The following GTF2H1 variants were observed in gnomAD, a reference collection of about 807,000 sequenced individuals.
GTF2H1 encodes general transcription factor IIH subunit 1.
GTF2H1 carries 16 observed loss-of-function variants against 71.2 expected under a neutral mutation model. The observed-to-expected ratio is 0.22, with a 90% CI of 0.15 to 0.34. The LOEUF (loss-of-function observed/expected upper bound fraction) is 0.34, where lower values mean the gene tolerates loss of function less well. Among genes scored for constraint, GTF2H1 ranks in the 10% least tolerant of loss-of-function variants. The pLI is 1.00. For synonymous variants in GTF2H1, 215 were observed against 219.0 expected (o/e 0.98, Z 0.16); for missense variants, 498 against 648.2 (o/e 0.77, Z 2.52).
At chr11:18,328,554 G>C (rs895913679) in intron 1 of GTF2H1, among the ~76,000 whole-genome samples, 1 of 148,082 alleles carries the variant, frequency 6.8e-6, no homozygotes, top group Non-Finnish European at 1.5e-5. Context: ...GCCAGGCATG[G>C]TGGCTCACAC....
intron 14 of GTF2H1, 63 bp from the exon 15 acceptor site, chr11:18,365,720 G>A: frequency 9.4e-7 from 1 of 1,060,956 alleles, no homozygotes; most frequent in Non-Finnish European, 1.5e-6. Context: ...GCCAGATTTG[G>A]GTTGGAAGGA....
chr11:18,341,256 C>T lies in GTF2H1; in HGVS notation c.608-5C>T. Reference sequence around the variant, plus strand: ...TATATAATATTTGTGGGTTTTTTTCCACAGTAAAAATGAAATATGCAGAAA... The same window carrying T: ...TATATAATATTTGTGGGTTTTTTTCTACAGTAAAAATGAAATATGCAGAAA... On this transcript the variant is annotated splice_region_variant and splice_polypyrimidine_tract_variant and intron_variant, in intron 5 of 14. Coordinates refer to ENST00000265963, the MANE Select transcript of GTF2H1 (RefSeq NM_005316.4). 1 of 1,599,648 alleles carries T rather than the reference C, an allele frequency of 6.3e-7. No individual in the cohort carries two copies. The highest frequency in any genetic ancestry group is 8.5e-7 in the Non-Finnish European group (1 of 1,175,238).
At chr11:18,341,778 T>C (rs1865162803) in intron 7 of GTF2H1, 171 bp downstream of exon 7, 2 of 502,622 alleles carry the variant, frequency 4.0e-6, no homozygotes, top group Non-Finnish European at 7.0e-6. Flanking sequence ...GCCATTAAAA[T>C]TGCCTAGAAG....
At chr11:18,352,241 T>C in intron 10 of GTF2H1, 88 bp from the exon 11 acceptor site, 1 of 702,826 alleles carries the variant, frequency 1.4e-6, no homozygotes, top group Non-Finnish European at 2.6e-6. Context: ...TGAGGGGAAC[T>C]TAGTACTGAC....
At chr11:18,338,035 A>C (rs1865073636) in intron 3 of GTF2H1, 74 bp from the exon 4 acceptor site, 2 of 1,008,404 alleles carry the variant, frequency 2.0e-6, no homozygotes, top group Non-Finnish European at 2.9e-6. Context: ...GTGTTGCCAA[A>C]ATCTTTTTAA....
At chr11:18,362,559 A>G (rs780497528) in intron 14 of GTF2H1, among the ~76,000 whole-genome samples, 3 of 151,984 alleles carry the variant, frequency 2.0e-5, no homozygotes, top group Non-Finnish European at 4.4e-5. Context: ...CACCCATTGT[A>G]TAGCTGTACA....
At chr11:18,349,982 A>G (rs1565014681) in intron 9 of GTF2H1, among the ~76,000 whole-genome samples, 1 of 152,194 alleles carries the variant, frequency 6.6e-6, no homozygotes, top group Non-Finnish European at 1.5e-5. Flanking sequence ...AAAACAATGT[A>G]TGGGTACTCA....
intron 3 of GTF2H1, among the ~76,000 whole-genome samples, chr11:18,336,744 T>C (rs1334823142): frequency 1.4e-5 from 2 of 146,842 alleles, no homozygotes; most frequent in Non-Finnish European, 3.0e-5. Flanking sequence ...AGACAGTATG[T>C]AAAATAATGA....
At chr11:18,354,240 G>A (rs1164442132) in intron 11 of GTF2H1, among the ~76,000 whole-genome samples, 2 of 152,126 alleles carry the variant, frequency 1.3e-5, no homozygotes, top group East Asian at 3.8e-4. Context: ...TGTCATATCA[G>A]GAGGCAAATG....
At chr11:18,342,246 C>T in intron 7 of GTF2H1, among the ~76,000 whole-genome samples, 1 of 124,544 alleles carries the variant, frequency 8.0e-6, no homozygotes, top group African/African-American at 2.9e-5. Flanking sequence ...TCTTCTTTTT[C>T]TGTCTCTTTT....
intron 1 of GTF2H1, among the ~76,000 whole-genome samples, chr11:18,328,917 CT>C (rs1298060604): frequency 2.0e-5 from 3 of 151,672 alleles, no homozygotes; most frequent in African/African-American, 7.3e-5. Flanking sequence ...GTTTTTTAAA[CT>C]TCAAGAAGGG....
At chr11:18,345,033 A>G (rs200143058) in intron 7 of GTF2H1, among the ~76,000 whole-genome samples, 22 of 146,008 alleles carry the variant, frequency 1.5e-4, no homozygotes, top group Non-Finnish European at 2.7e-4. Flanking sequence ...TTTTTTTTTA[A>G]TTTAAAAATT....
At chr11:18,330,336 G>A (rs1257159990) in intron 1 of GTF2H1, among the ~76,000 whole-genome samples, 2 of 152,160 alleles carry the variant, frequency 1.3e-5, no homozygotes, top group Non-Finnish European at 1.5e-5. Context: ...ACAGTTGTAG[G>A]TAAAGAAAGG....
chr11:18,333,700 G>A (rs1382908641), intron 2 of GTF2H1: 1 of 152,568 alleles, frequency 6.6e-6, no homozygotes, highest in Non-Finnish European at 1.5e-5. Flanking sequence ...GCCCAGGCCG[G>A]TCTCAAACTC....
In GTF2H1 at chr11:18,352,434, C is replaced by G. The variant is rs1252160052; in HGVS notation, c.1248C>G (p.Pro416=). 1 of 1,344,290 alleles carries G rather than the reference C, an allele frequency of 7.4e-7. No homozygotes were observed. The highest frequency in any genetic ancestry group is 1.8e-4 in the Middle Eastern group (1 of 5,556). The allele number at this position is 1,344,290 out of a possible 1,614,324, so 83.3% of individuals were successfully genotyped here. A position where few individuals can be genotyped will look rare whatever the true frequency, so the allele number is the denominator to read the frequency against. The change falls in exon 11 of 15, where the codon CCC becomes CCG. Residue 416 remains proline (P), a synonymous_variant. Transcript: ENST00000265963. ...SIRQEMEAYT[P]KLTQVLSSSA... ...GACAAGAAATGGAAGCTTATACACCCAAGTTAACTCAGGTAGGTGACTTCT... is the reference window on the plus strand; with the variant it reads ...GACAAGAAATGGAAGCTTATACACCGAAGTTAACTCAGGTAGGTGACTTCT...
intron 1 of GTF2H1, among the ~76,000 whole-genome samples, chr11:18,332,097 G>A (rs1324633659): frequency 6.6e-6 from 1 of 152,160 alleles, no homozygotes; most frequent in Non-Finnish European, 1.5e-5. Context: ...AAATTGCGGG[G>A]GGTTACAGGT....
chr11:18,331,369 T>A (rs1215246037), intron 1 of GTF2H1, among the ~76,000 whole-genome samples: 1 of 152,030 alleles, frequency 6.6e-6, no homozygotes, highest in African/African-American at 2.4e-5. Context: ...TTTATTAATC[T>A]TAAGAGGTGT....
intron 3 of GTF2H1, 86 bp downstream of exon 3, chr11:18,336,032 C>T (rs567963217): frequency 5.4e-6 from 5 of 922,478 alleles, no homozygotes; most frequent in African/African-American, 3.4e-5. Flanking sequence ...GCTATCCCCA[C>T]GTTTTTTCGG....
At chr11:18,345,689 A>G (rs779986085) in intron 7 of GTF2H1, among the ~76,000 whole-genome samples, 2 of 151,634 alleles carry the variant, frequency 1.3e-5, no homozygotes, top group Non-Finnish European at 2.9e-5. Context: ...ACAGGGTTTC[A>G]CCACGACCAG....
Sources: allele counts gnomAD v4.1 joint callset (sites outside exome capture counted in the v4.1 genomes callset), GRCh38; gene constraint gnomAD v4.1.1; transcripts MANE v1.5; gene names NCBI Gene and HGNC (gene_info 2026-07-23, HGNC 2026-07-21).